The following FGFR1 variants were observed in gnomAD, a reference collection of about 807,000 sequenced individuals.
FGFR1 encodes FGFR1/PLAG1 fusion.
In FGFR1, 18 loss-of-function variants were observed where a neutral mutation model predicts 93.7. The observed-to-expected ratio is 0.19, with a 90% confidence interval of 0.13 to 0.28. FGFR1 has a LOEUF of 0.28. Among genes scored for constraint, FGFR1 ranks in the 10% least tolerant of loss-of-function variants. FGFR1 has a pLI of 1.00. For synonymous variants in FGFR1, 448 were observed against 429.3 expected, an observed-to-expected ratio of 1.04 and a Z score of -0.54; for missense variants, 731 against 1,080.4, an observed-to-expected ratio of 0.68 and a Z score of 4.53.
chr8:38,458,176 G>A (rs1833407028), intron 1 of FGFR1, among the ~76,000 whole-genome samples: 1 of 152,094 alleles, frequency 6.6e-6, no homozygotes, highest in South Asian at 2.1e-4. Context: ...CCTTTTGTGG[G>A]AAACAGTTTT....
chr8:38,465,908 C>G (rs1835389745), intron 1 of FGFR1: 1 of 225,770 alleles, frequency 4.4e-6, no homozygotes, highest in African/African-American at 2.2e-5. Flanking sequence ...ATTACCACGT[C>G]TAGAGAAAGT....
chr8:38,438,489 A>T (rs1403179535), intron 2 of FGFR1, among the ~76,000 whole-genome samples: 1 of 150,752 alleles, frequency 6.6e-6, no homozygotes, highest in African/African-American at 2.4e-5. Flanking sequence ...GTTGCAGTGA[A>T]CCGAAATCAC....
Position 38,424,691 on chromosome 8 carries a change from G to A in FGFR1, c.754C>T (p.Pro252Ser). The change falls in exon 7 of 18, where the codon CCT (proline) becomes TCT (serine). Residue 252 changes from proline (P) to serine (S), a missense_variant. By Grantham distance (74) the Pro-to-Ser change is moderately conservative (BLOSUM62 -1). Transcript: ENST00000447712. The surrounding 1 kb of genome is among the most constrained non-coding windows in gnomAD (Gnocchi z 4.3). ...CCTGCTTGCAGGATGGGCCGGTGAG[G>A]GGACCGCTCTGTGGAAGATGGGAGA... ...TYQLDVVERS[P>S]HRPILQAGLP... The A allele has an allele frequency of 6.2e-7, 1 of 1,611,232 alleles. No individual in the cohort carries two copies. Among genetic ancestry groups the A allele is most frequent in the Non-Finnish European group, 8.5e-7 (1 of 1,177,590 alleles).
chr8:38,416,238 C>T (rs1309737968), intron 12 of FGFR1, among the ~76,000 whole-genome samples, 178 bp from the exon 13 acceptor site: 1 of 152,102 alleles, frequency 6.6e-6, no homozygotes, highest in South Asian at 2.1e-4. Flanking sequence ...ATAATTACTC[C>T]CAGCATAGTC....
Position 38,468,181 on chromosome 8 carries a change from C to G in FGFR1, c.-289G>C, listed in dbSNP as rs897130027. The G allele has an allele frequency of 1.8e-5, 4 of 228,502 alleles. No individual in the cohort carries two copies. Among genetic ancestry groups the G allele is most frequent in the African/African-American group, 8.9e-5 (4 of 44,984 alleles). The allele number at this position is 228,502 out of a possible 1,614,324, so 14.2% of individuals were successfully genotyped here. A position where few individuals can be genotyped will look rare whatever the true frequency, so the allele number is the denominator to read the frequency against. ...TCCAGCCCGGGCGGGAACAATGGAG[C>G]CGGAGCTGGTGCCCCGGAGGCGGGG... On this transcript the variant is annotated 5_prime_UTR_variant, in exon 1 of 18. Coordinates refer to ENST00000447712, the MANE Select transcript of FGFR1 (RefSeq NM_023110.3).
rs762599031 is a variant in FGFR1, at chr8:38,418,371, C to T, written c.1287G>A (p.Val429=). The change falls in exon 10 of 18, where the codon GTG becomes GTA. Residue 429 remains valine, a splice_region_variant and synonymous_variant. Transcript: ENST00000447712. ...TCATGGATGCACTGGAGTCAGCAGA[C>T]ACCTGCAAGGAAGAGTGGGGTCACC... is the stretch of plus-strand genomic sequence containing the variant. ...KSIPLRRQVT[V]SADSSASMNS... 6.2e-7 allele frequency: 1 copy of T among 1,613,836 alleles called. No individual in the cohort carries two copies. Among genetic ancestry groups the T allele is most frequent in the South Asian group, 1.1e-5 (1 of 91,058 alleles).
At chr8:38,414,377 A>G in intron 15 of FGFR1, 88 bp from the exon 16 acceptor site, 1 of 1,598,196 alleles carries the variant, frequency 6.3e-7, no homozygotes, top group Non-Finnish European at 8.6e-7. Context: ...CAGTGCCAGG[A>G]GACAGCATGG....
chr8:38,459,924 C>G (rs1466233291), intron 1 of FGFR1, among the ~76,000 whole-genome samples: 2 of 152,166 alleles, frequency 1.3e-5, no homozygotes, highest in African/African-American at 4.8e-5. Flanking sequence ...TGGCTCATAC[C>G]TACAATCCCG....
In FGFR1 at chr8:38,433,231, C is replaced by T. The variant is rs188127398; in HGVS notation, c.92-3283G>A. Among the ~76,000 whole-genome samples the T allele has an allele frequency of 5.9e-5, 9 of 152,156 alleles. No individual in the cohort carries two copies. The East Asian group carries it at 1.7e-3, about 29-fold the overall frequency. ...GCACATGCCTGTAGTCCCAGCTACTCAGTGGGCTGAGACAGGATTGCTTGA... is the reference window on the plus strand; with the variant it reads ...GCACATGCCTGTAGTCCCAGCTACTTAGTGGGCTGAGACAGGATTGCTTGA... On this transcript the variant is annotated intron_variant, in intron 2 of 17. Transcript: ENST00000447712.
chr8:38,455,726 A>G (rs977255501), intron 2 of FGFR1, among the ~76,000 whole-genome samples: 1 of 152,194 alleles, frequency 6.6e-6, no homozygotes, highest in Non-Finnish European at 1.5e-5. Context: ...GCTGTCTCTG[A>G]ACACTCATGC....
In FGFR1 at chr8:38,429,367, T is replaced by C. The variant is rs1399723885; in HGVS notation, c.358+315A>G. The C allele has an allele frequency of 1.5e-6, 1 of 649,028 alleles. No homozygotes were observed. Among genetic ancestry groups the C allele is most frequent in the Non-Finnish European group, 2.9e-6 (1 of 343,840 alleles). The allele number at this position is 649,028 out of a possible 1,614,324, so 40.2% of individuals were successfully genotyped here. ...GAGTGGAAGCTGGCCGAGCACCACT[T>C]AGCCTCCTGGAGATCTGGGCAAGCT... On this transcript the variant is annotated intron_variant, in intron 3 of 17. Coordinates refer to ENST00000447712, the MANE Select transcript of FGFR1 (RefSeq NM_023110.3). This position sits in a 1 kb window ranked among gnomAD's most constrained non-coding sequence, Gnocchi z 4.4.
chr8:38,447,140 CACACACACACA>C (rs1563587313), intron 2 of FGFR1, among the ~76,000 whole-genome samples: 16 of 147,954 alleles, frequency 1.1e-4, no homozygotes, highest in African/African-American at 2.2e-4. Context: ...CACACACACA[CACACACACACA>C]CCCCTGACAA....
rs958467124 is a variant in FGFR1, at chr8:38,417,406, T to C, written c.1563A>G (p.Thr521=). The C allele has an allele frequency of 3.1e-6, 5 of 1,613,832 alleles. No individual in the cohort carries two copies. In the East Asian group the frequency reaches 1.1e-4, roughly 36 times the overall value. ...AGATCAGGTCTGACAAGTCTTTCTC[T>C]GTTGCGTCCGCTTTAAAGAACACGT... The part of the protein sequence containing the change: ...VAVKMLKSDA[T]EKDLSDLISE... The change falls in exon 12 of 18, where the codon ACA becomes ACG. Residue 521 remains threonine, a synonymous_variant. Transcript: ENST00000447712.
chr8:38,453,848 T>C (rs1256691853), intron 2 of FGFR1, among the ~76,000 whole-genome samples: 1 of 152,084 alleles, frequency 6.6e-6, no homozygotes, highest in Non-Finnish European at 1.5e-5. Flanking sequence ...GCCAAGATCA[T>C]GCCACTGCAT....
chr8:38,414,680 G>C (rs2150555247), intron 14 of FGFR1, 51 bp from the exon 15 acceptor site: 1 of 1,613,372 alleles, frequency 6.2e-7, no homozygotes, highest in Admixed American at 1.7e-5. Context: ...GGCCATGAGG[G>C]CACAGGTGGG....
intron 2 of FGFR1, 108 bp from the exon 3 acceptor site, chr8:38,430,056 C>T: frequency 8.7e-7 from 1 of 1,155,260 alleles, no homozygotes; most frequent in Non-Finnish European, 1.2e-6. Context: ...CACGGAGCCG[C>T]ACCATCCTGG....
intron 2 of FGFR1, among the ~76,000 whole-genome samples, chr8:38,432,279 T>G (rs1823427421): frequency 6.6e-6 from 1 of 152,150 alleles, no homozygotes; most frequent in African/African-American, 2.4e-5. Context: ...AAAACTCCAC[T>G]ATACGTGATC....
rs745486104 is a variant in FGFR1 at position 38,457,472 on chromosome 8, G to A, written c.-26C>T. The A allele has an allele frequency of 2.2e-5, 36 of 1,613,548 alleles. No homozygotes were observed. In the Admixed American group the frequency reaches 6.0e-4, roughly 27 times the overall value. On this transcript the variant is annotated 5_prime_UTR_variant, in exon 2 of 18. Transcript: ENST00000447712. Reference sequence around the variant, plus strand: ...CCCAGTTCTGCAGTTAGAGGTTGGTGACAAGGCTCCACATCTCCATGGATA... The same window carrying A: ...CCCAGTTCTGCAGTTAGAGGTTGGTAACAAGGCTCCACATCTCCATGGATA...
chr8:38,453,375 GA>G (rs1831724949), intron 2 of FGFR1, among the ~76,000 whole-genome samples: 1 of 152,252 alleles, frequency 6.6e-6, no homozygotes, highest in African/African-American at 2.4e-5. Flanking sequence ...AATGTCCTAT[GA>G]GCTCTGCAGA....
Sources: gnomAD v4.1 joint callset for allele counts (sites outside exome capture counted in the v4.1 genomes callset) on GRCh38, gnomAD v4.1.1 for gene constraint, Gnocchi (gnomAD v3.1) non-coding constraint, MANE v1.5 for transcripts, NCBI Gene and HGNC (gene_info 2026-07-23, HGNC 2026-07-21) for gene names.